PTPRG: variants seen among roughly 807,000 people sequenced by gnomAD.
PTPRG encodes the protein receptor-type tyrosine-protein phosphatase gamma.
Under a neutral mutation model 165.3 loss-of-function variants are expected in PTPRG, and 102 were observed. The observed-to-expected ratio is 0.62, with a 90% confidence interval of 0.53 to 0.73. The LOEUF is 0.73. Among genes scored for constraint, PTPRG ranks in the 30% least tolerant of loss-of-function variants. The pLI is 0.00. For synonymous variants in PTPRG, 675 were observed against 669.5 expected, an observed-to-expected ratio of 1.01 and a Z score of -0.13; for missense variants, 1,866 against 1,861.4, an observed-to-expected ratio of 1.00 and a Z score of -0.05.
At chr3:61,782,790 T>C (rs1369349785) in intron 2 of PTPRG, among the ~76,000 whole-genome samples, 1 of 152,010 alleles carries the variant, frequency 6.6e-6, no homozygotes, top group Non-Finnish European at 1.5e-5. Flanking sequence ...GAGTATCGTG[T>C]TTTGTTTTGT....
At chr3:62,286,979 G>T (rs534876860) in intron 28 of PTPRG, among the ~76,000 whole-genome samples, 1 of 151,960 alleles carries the variant, frequency 6.6e-6, no homozygotes, top group Admixed American at 6.6e-5. Flanking sequence ...TTTGACTTGC[G>T]AGTTTCTTGT....
At chr3:62,130,234 T>C (rs1361977520) in intron 5 of PTPRG, among the ~76,000 whole-genome samples, 3 of 152,224 alleles carry the variant, frequency 2.0e-5, no homozygotes, top group Non-Finnish European at 2.9e-5. Flanking sequence ...TAGCTAGGAC[T>C]ACCTATGTCT....
intron 1 of PTPRG, among the ~76,000 whole-genome samples, chr3:61,708,986 C>T (rs1423417309): frequency 6.6e-6 from 1 of 152,246 alleles, no homozygotes; most frequent in African/African-American, 2.4e-5. Flanking sequence ...GAAGCAAACA[C>T]TGGTAGTAAG....
intron 2 of PTPRG, among the ~76,000 whole-genome samples, chr3:61,882,976 T>G (rs1469305589): frequency 6.6e-6 from 1 of 152,170 alleles, no homozygotes; most frequent in Non-Finnish European, 1.5e-5. Flanking sequence ...AGTGCCACTC[T>G]TCTCCTTAGC....
chr3:62,245,516 T>C lies in PTPRG; in HGVS notation c.2467+1618T>C, dbSNP rs1701270287. Among the ~76,000 whole-genome samples, 2 of 152,162 alleles carry C rather than the reference T, an allele frequency of 1.3e-5. No individual in the cohort carries two copies. The highest frequency in any genetic ancestry group is 4.1e-4 in the South Asian group (2 of 4,832). On this transcript the variant is annotated intron_variant, in intron 15 of 29. Transcript: ENST00000474889. The surrounding 1 kb of genome is among the most constrained non-coding windows in gnomAD (Gnocchi z 4.2). ...TGGTGAAATACTTACTGGGCTGTTT[T>C]TCCATTTCTATTTTCTTTTACCACT...
intron 1 of PTPRG, among the ~76,000 whole-genome samples, chr3:61,620,264 G>A (rs11718106): frequency 0.13 from 19,070 of 152,110 alleles, 1,346 homozygotes; most frequent in African/African-American, 0.19. Flanking sequence ...AAGCACATGC[G>A]TAGGGAATTG....
At chr3:62,265,926 C>CA (rs879614619) in intron 17 of PTPRG, among the ~76,000 whole-genome samples, 1 of 150,250 alleles carries the variant, frequency 6.7e-6, no homozygotes, top group Admixed American at 6.7e-5. Flanking sequence ...CACACACACA[C>CA]CATTCTCTCC....
At chr3:62,148,018 C>T (rs752048233) in intron 6 of PTPRG, among the ~76,000 whole-genome samples, 8 of 152,042 alleles carry the variant, frequency 5.3e-5, no homozygotes, top group African/African-American at 1.2e-4. Flanking sequence ...TGGTGGTGCA[C>T]GCCTGTAGTT....
In PTPRG at chr3:62,054,762, T is replaced by G. The variant is rs75175382; in HGVS notation, c.520-23401T>G. On this transcript the variant is annotated intron_variant, in intron 4 of 29. Coordinates refer to ENST00000474889, the MANE Select transcript of PTPRG (RefSeq NM_002841.4). ...AGTCTTAAAAGAACTGCATTGTTCCTTCATTTATGAAGCGTACGGGAGTAT... is the reference window on the plus strand; with the variant it reads ...AGTCTTAAAAGAACTGCATTGTTCCGTCATTTATGAAGCGTACGGGAGTAT... Among the ~76,000 whole-genome samples, 385 of 152,378 alleles carry G rather than the reference T, an allele frequency of 2.5e-3. 1 individual carries two copies. Among genetic ancestry groups the G allele is most frequent in the Non-Finnish European group, 3.4e-3 (229 of 68,036 alleles).
intron 1 of PTPRG, among the ~76,000 whole-genome samples, chr3:61,589,468 C>T (rs1700514133): frequency 6.6e-6 from 1 of 152,182 alleles, no homozygotes; most frequent in Admixed American, 6.5e-5. Flanking sequence ...ACTGTCTCTG[C>T]CATAGAAGTG....
chr3:62,105,670 A>G (rs764078013), intron 5 of PTPRG, among the ~76,000 whole-genome samples: 1 of 152,222 alleles, frequency 6.6e-6, no homozygotes, highest in African/African-American at 2.4e-5. Context: ...AACATATGCT[A>G]GAGCCACAAT....
intron 2 of PTPRG, among the ~76,000 whole-genome samples, chr3:61,793,646 T>TA (rs571337775): frequency 7.8e-4 from 118 of 152,256 alleles, no homozygotes; most frequent in African/African-American, 1.3e-3. Flanking sequence ...AAGCTATTGA[T>TA]AAAAAAATAA....
At chr3:61,688,455 T>G (rs1310245158) in intron 1 of PTPRG, among the ~76,000 whole-genome samples, 2 of 151,994 alleles carry the variant, frequency 1.3e-5, no homozygotes, top group Non-Finnish European at 2.9e-5. Flanking sequence ...CCTCCATCTT[T>G]CCAGAGACTC....
intron 2 of PTPRG, among the ~76,000 whole-genome samples, chr3:61,931,902 T>C (rs2039370929): frequency 6.6e-6 from 1 of 152,234 alleles, no homozygotes; most frequent in Non-Finnish European, 1.5e-5. Context: ...GCCAGACCTT[T>C]GGTCCTAAAG....
chr3:61,724,873 G>A (rs2032194078), intron 1 of PTPRG, among the ~76,000 whole-genome samples: 1 of 151,940 alleles, frequency 6.6e-6, no homozygotes, highest in Non-Finnish European at 1.5e-5. Flanking sequence ...GTAGATATTT[G>A]CAAACCCCAT....
chr3:62,060,205 C>A (rs1252158881), intron 4 of PTPRG, among the ~76,000 whole-genome samples: 1 of 97,004 alleles, frequency 1.0e-5, no homozygotes, highest in African/African-American at 3.8e-5. Flanking sequence ...GAGTGAGACC[C>A]TGTCTCAAAA....
At chr3:62,127,610 A>G (rs1332004967) in intron 5 of PTPRG, among the ~76,000 whole-genome samples, 1 of 152,142 alleles carries the variant, frequency 6.6e-6, no homozygotes, top group African/African-American at 2.4e-5. Flanking sequence ...TATCGGCTGG[A>G]TGTGATGTTT....
intron 2 of PTPRG, among the ~76,000 whole-genome samples, chr3:61,776,407 T>A (rs887193410): frequency 6.6e-6 from 1 of 152,134 alleles, no homozygotes; most frequent in African/African-American, 2.4e-5. Context: ...ACACAGGCGC[T>A]TTCCCCTGCT....
chr3:62,021,201 A>G (rs1285171427), intron 4 of PTPRG, among the ~76,000 whole-genome samples: 2 of 152,184 alleles, frequency 1.3e-5, no homozygotes, highest in African/African-American at 2.4e-5. Context: ...TAGGTGATTG[A>G]TAAATTTTTG....
Sources: allele counts gnomAD v4.1 joint callset (sites outside exome capture counted in the v4.1 genomes callset), GRCh38; gene constraint gnomAD v4.1.1; non-coding constraint Gnocchi (gnomAD v3.1); transcripts MANE v1.5; gene names NCBI Gene and HGNC (gene_info 2026-07-23, HGNC 2026-07-21).